Variants in GRID2 observed in about 807,000 individuals in gnomAD.
The protein encoded by GRID2 is glutamate ionotropic receptor delta type subunit 2, also known as glutamate receptor ionotropic, delta-2.
Under a neutral mutation model 114.8 loss-of-function variants are expected in GRID2, and 33 were observed. The observed-to-expected ratio is 0.29, with a 90% confidence interval of 0.22 to 0.38. GRID2 has a LOEUF of 0.38. Ranked by LOEUF, GRID2 falls within the 10% of genes least tolerant of loss-of-function variation. The probability of loss-of-function intolerance (pLI) is 1.00; values close to 1 mark genes in which losing one functional copy is unlikely to be tolerated. For missense variants in GRID2, 1,184 were observed against 1,257.7 expected (o/e 0.94, Z 0.89); for synonymous variants, 505 against 449.9 (o/e 1.12, Z -1.55).
intron 2 of GRID2, among the ~76,000 whole-genome samples, chr4:92,916,771 T>C (rs1172030234): frequency 6.6e-6 from 1 of 152,204 alleles, no homozygotes; most frequent in Non-Finnish European, 1.5e-5. Context: ...TGTTGGACAT[T>C]TGGGTTGGTT....
chr4:93,092,416 G>A (rs1234776559), intron 3 of GRID2, among the ~76,000 whole-genome samples: 2 of 152,194 alleles, frequency 1.3e-5, no homozygotes, highest in Non-Finnish European at 1.5e-5. Flanking sequence ...AATAGTCAAT[G>A]TGCTTGCAGT....
intron 8 of GRID2, among the ~76,000 whole-genome samples, chr4:93,248,000 G>A (rs1361553868): frequency 1.3e-5 from 2 of 151,994 alleles, no homozygotes; most frequent in Non-Finnish European, 2.9e-5. Context: ...ATACAGAGGA[G>A]GCAAAGTTTA....
intron 4 of GRID2, among the ~76,000 whole-genome samples, chr4:93,193,317 A>C (rs184981674): frequency 8.5e-5 from 13 of 152,152 alleles, no homozygotes; most frequent in African/African-American, 2.6e-4. Flanking sequence ...CCCAAATCTC[A>C]TCTTGAATTG....
intron 2 of GRID2, among the ~76,000 whole-genome samples, chr4:93,045,859 T>C (rs1055385749): frequency 6.6e-6 from 1 of 152,156 alleles, no homozygotes; most frequent in Non-Finnish European, 1.5e-5. Flanking sequence ...AAATGAACTG[T>C]ATGCCATGAG....
At chr4:92,625,273 A>G (rs983811395) in intron 2 of GRID2, among the ~76,000 whole-genome samples, 2 of 151,786 alleles carry the variant, frequency 1.3e-5, no homozygotes, top group African/African-American at 4.8e-5. Context: ...ATGATACTCA[A>G]GAAATAATTG....
intron 2 of GRID2, among the ~76,000 whole-genome samples, chr4:92,609,019 T>C (rs1729591054): frequency 1.3e-5 from 2 of 151,844 alleles, no homozygotes; most frequent in African/African-American, 4.8e-5. Flanking sequence ...TTAATATAGA[T>C]GTAAACAGTC....
chr4:93,486,047 T>C (rs1193747408), intron 11 of GRID2, among the ~76,000 whole-genome samples: 1 of 151,724 alleles, frequency 6.6e-6, no homozygotes, highest in East Asian at 1.9e-4. Context: ...AAAAATAGTT[T>C]TATAGTTTTT....
intron 4 of GRID2, among the ~76,000 whole-genome samples, chr4:93,117,618 G>A (rs1560897469): frequency 6.6e-6 from 1 of 152,006 alleles, no homozygotes; most frequent in African/African-American, 2.4e-5. Context: ...ACAAGCAAGT[G>A]TTCTTTTCTC....
At chr4:93,325,298 G>A (rs909406517) in intron 8 of GRID2, among the ~76,000 whole-genome samples, 1 of 151,918 alleles carries the variant, frequency 6.6e-6, no homozygotes, top group Non-Finnish European at 1.5e-5. Flanking sequence ...TTCCTACATG[G>A]AACTTATTAA....
intron 2 of GRID2, among the ~76,000 whole-genome samples, chr4:92,663,133 G>A (rs1378212631): frequency 2.0e-5 from 3 of 151,000 alleles, no homozygotes; most frequent in African/African-American, 7.3e-5. Flanking sequence ...GCTCAGCCTT[G>A]ATACAAGTGA....
At chr4:92,438,384 C>T (rs867725196) in intron 1 of GRID2, among the ~76,000 whole-genome samples, 43 of 151,668 alleles carry the variant, frequency 2.8e-4, no homozygotes, top group African/African-American at 9.7e-4. Context: ...TGATTATCAT[C>T]TTATCGCATA....
At chr4:93,023,591 A>G (rs1723603282) in intron 2 of GRID2, among the ~76,000 whole-genome samples, 1 of 151,968 alleles carries the variant, frequency 6.6e-6, no homozygotes, top group Admixed American at 6.6e-5. Context: ...AATACCTGAA[A>G]TGAACTATAA....
At chr4:92,619,563 C>G (rs1730169028) in intron 2 of GRID2, among the ~76,000 whole-genome samples, 1 of 151,492 alleles carries the variant, frequency 6.6e-6, no homozygotes, top group Admixed American at 6.6e-5. Context: ...TTTGGCAATT[C>G]CCTGAGTATT....
chr4:92,947,481 T>C (rs1214903923), intron 2 of GRID2, among the ~76,000 whole-genome samples: 3 of 151,952 alleles, frequency 2.0e-5, no homozygotes, highest in African/African-American at 7.2e-5. Context: ...TATGGAAGAA[T>C]AAAGATAAAT....
intron 1 of GRID2, among the ~76,000 whole-genome samples, chr4:92,376,923 G>A (rs1729381580): frequency 6.6e-6 from 1 of 152,226 alleles, no homozygotes; most frequent in South Asian, 2.1e-4. Context: ...TCTGGTCCAC[G>A]AAACCACTTT....
At chr4:93,537,728 T>C (rs1732236925) in intron 13 of GRID2, among the ~76,000 whole-genome samples, 1 of 151,788 alleles carries the variant, frequency 6.6e-6, no homozygotes. Flanking sequence ...AGCCTTGTGG[T>C]CCTCATTAGA....
At chr4:93,284,224 A>G (rs1032849240) in intron 8 of GRID2, among the ~76,000 whole-genome samples, 5 of 152,038 alleles carry the variant, frequency 3.3e-5, no homozygotes, top group Admixed American at 1.3e-4. Flanking sequence ...ACATAACAAC[A>G]TTTTTTGCTC....
intron 2 of GRID2, among the ~76,000 whole-genome samples, chr4:92,960,343 T>C (rs1171744379): frequency 6.6e-6 from 1 of 152,034 alleles, no homozygotes; most frequent in East Asian, 1.9e-4. Flanking sequence ...GACCTGTCCA[T>C]TTCTGATAGA....
chr4:93,214,718 G>T (rs72872715), intron 5 of GRID2, among the ~76,000 whole-genome samples: 11,791 of 151,962 alleles, frequency 0.078, 817 homozygotes, highest in African/African-American at 0.19. Flanking sequence ...ACCTATAAAA[G>T]GTAACCACCC....
Sources: gnomAD v4.1 joint callset for allele counts (sites outside exome capture counted in the v4.1 genomes callset) on GRCh38, gnomAD v4.1.1 for gene constraint, MANE v1.5 for transcripts, NCBI Gene and HGNC (gene_info 2026-07-23, HGNC 2026-07-21) for gene names.